The following GRIK5 variants were observed in gnomAD, a reference collection of about 807,000 sequenced individuals.
GRIK5 encodes the protein glutamate ionotropic receptor kainate type subunit 5.
GRIK5 carries 43 observed loss-of-function variants against 97.4 expected under a neutral mutation model. That is an observed-to-expected ratio of 0.44 (90% confidence interval 0.35 to 0.57). The LOEUF (loss-of-function observed/expected upper bound fraction) is 0.57. Among genes scored for constraint, GRIK5 ranks in the 20% least tolerant of loss-of-function variants. The probability of loss-of-function intolerance (pLI) is 0.01; values close to 1 mark genes in which losing one functional copy is unlikely to be tolerated. For synonymous variants in GRIK5, 580 were observed against 583.5 expected, an observed-to-expected ratio of 0.99 and a Z score of 0.09; for missense variants, 1,015 against 1,382.0, an observed-to-expected ratio of 0.73 and a Z score of 4.21.
intron 12 of GRIK5, among the ~76,000 whole-genome samples, chr19:42,031,338 T>C (rs2075838116): frequency 6.6e-6 from 1 of 152,220 alleles, no homozygotes; most frequent in Non-Finnish European, 1.5e-5. Context: ...TGAATTACTA[T>C]TCTGGGAAAG....
In GRIK5 at chr19:42,003,305, G is replaced by GGCCCCCCCCCC; in HGVS notation, c.2514+26_2514+27insGGGGGGGGGGC. On this transcript the variant is annotated intron_variant, in intron 19 of 19. Transcript: ENST00000593562. The surrounding 1 kb of genome is among the most constrained non-coding windows in gnomAD (Gnocchi z 4.2). ...TCAGCCCCTGGGGGTCCCTGTTCCT[G>GGCCCCCCCCCC]CCCACCCCCACCCCCAGCCTCCTCA... 38 of 1,540,710 alleles carry GGCCCCCCCCCC rather than the reference G, an allele frequency of 2.5e-5. No individual in the cohort carries two copies. Among genetic ancestry groups the GGCCCCCCCCCC allele is most frequent in the Non-Finnish European group, 3.1e-5 (35 of 1,118,172 alleles).
intron 19 of GRIK5, chr19:42,001,724 C>T (rs2075425215): frequency 5.1e-6 from 1 of 196,210 alleles, no homozygotes; most frequent in South Asian, 1.1e-4. Flanking sequence ...CAGCCAGAAA[C>T]ATCCAGCTAA....
Position 42,054,354 on chromosome 19 carries a change from G to C in GRIK5, c.1022C>G (p.Pro341Arg). The change falls in exon 9 of 20, where the codon CCC becomes CGC. Residue 341 changes from proline to arginine, a missense_variant. Pro to Arg is a moderately radical substitution (Grantham distance 103, BLOSUM62 -2). Transcript: ENST00000593562. ...PLACTSANIW[P>R]HGTSLMNYLR... is the part of the protein sequence containing the mutation. ...GTAGTTCATGAGGCTGGTCCCGTGG[G>C]GCCAAATGTTGGCCGATGTACAGGC... The C allele has an allele frequency of 6.2e-7, 1 of 1,613,152 alleles. No homozygotes were observed. The highest frequency in any genetic ancestry group is 8.5e-7 in the Non-Finnish European group (1 of 1,179,762).
intron 3 of GRIK5, among the ~76,000 whole-genome samples, chr19:42,063,783 C>A (rs1394126311): frequency 6.6e-6 from 1 of 152,104 alleles, no homozygotes; most frequent in Admixed American, 6.5e-5. Context: ...CAATCCTAGG[C>A]CATCGTTTGA....
intron 11 of GRIK5, among the ~76,000 whole-genome samples, chr19:42,046,529 G>C (rs561006826): frequency 1.3e-5 from 2 of 152,300 alleles, no homozygotes; most frequent in Non-Finnish European, 2.9e-5. Context: ...AAGAAAGTCA[G>C]TGCAGCATTG....
At chr19:42,058,049 G>A (rs1037800476) in intron 6 of GRIK5, among the ~76,000 whole-genome samples, 1 of 152,166 alleles carries the variant, frequency 6.6e-6, no homozygotes, top group Admixed American at 6.5e-5. Flanking sequence ...GGGAGGGGCC[G>A]GGATCCCAGC....
In GRIK5 at chr19:42,022,823, C is replaced by G. The variant is rs1368126922; in HGVS notation, c.1474-469G>C. On this transcript the variant is annotated intron_variant, in intron 12 of 19. Coordinates refer to ENST00000593562, the MANE Select transcript of GRIK5 (RefSeq NM_002088.5). This position sits in a 1 kb window ranked among gnomAD's most constrained non-coding sequence, Gnocchi z 4.2. ...GAGGAAGGGTGCAGGTCAGCATGTG[C>G]CCACAGCCAGTGGAGACATAACCCA... Among the ~76,000 whole-genome samples, 1 of 151,656 alleles carries G rather than the reference C, an allele frequency of 6.6e-6. No homozygotes were observed. The highest frequency in any genetic ancestry group is 1.5e-5 in the Non-Finnish European group (1 of 67,930).
At chr19:42,067,686 GCAGA>G (rs2076356605) in intron 1 of GRIK5, among the ~76,000 whole-genome samples, 1 of 152,160 alleles carries the variant, frequency 6.6e-6, no homozygotes. Flanking sequence ...AAAGGTGGGA[GCAGA>G]CAGAGAAAGA....
intron 12 of GRIK5, among the ~76,000 whole-genome samples, chr19:42,039,195 C>T (rs764240220): frequency 3.3e-5 from 5 of 152,336 alleles, no homozygotes; most frequent in East Asian, 1.9e-4. Flanking sequence ...CAAGGGTGGC[C>T]GGGCATGGTG....
In GRIK5 at chr19:42,062,834, C is replaced by T. The variant is rs1160792689; in HGVS notation, c.266G>A (p.Gly89Glu). ...TDTMCQILPK[G>E]VVSVLGPSSS... is the part of the protein sequence containing the mutation. ...GGAGGGCCCAAGGACAGACACAACCCCTTTGGGTAAGATCTGACACACTGC... is the reference window on the plus strand; with the variant it reads ...GGAGGGCCCAAGGACAGACACAACCTCTTTGGGTAAGATCTGACACACTGC... Residue 89 changes from glycine (G) to glutamate (E), a missense_variant, in exon 4 of 20, where the codon GGG becomes GAG. Gly to Glu is a moderately conservative substitution (Grantham distance 98, BLOSUM62 -2). Coordinates refer to ENST00000593562, the MANE Select transcript of GRIK5 (RefSeq NM_002088.5). The surrounding 1 kb of genome is among the most constrained non-coding windows in gnomAD (Gnocchi z 5.3). The T allele has an allele frequency of 6.2e-7, 1 of 1,613,776 alleles. No homozygotes were observed. Among genetic ancestry groups the T allele is most frequent in the Admixed American group, 1.7e-5 (1 of 60,026 alleles).
chr19:42,034,231 C>A (rs772376465), intron 12 of GRIK5, among the ~76,000 whole-genome samples: 1 of 151,994 alleles, frequency 6.6e-6, no homozygotes, highest in Non-Finnish European at 1.5e-5. Context: ...CGTGATGGAG[C>A]GTGCCTGTAA....
intron 12 of GRIK5, among the ~76,000 whole-genome samples, chr19:42,033,757 T>C (rs988302323): frequency 2.6e-5 from 4 of 152,136 alleles, no homozygotes; most frequent in Admixed American, 2.0e-4. Context: ...CCCAGCACTT[T>C]TGGGGGGCCA....
intron 1 of GRIK5, among the ~76,000 whole-genome samples, chr19:42,066,791 C>T (rs981249982): frequency 4.6e-5 from 7 of 151,508 alleles, no homozygotes; most frequent in Non-Finnish European, 7.4e-5. Flanking sequence ...AAGGCACAGG[C>T]GAGACACAGG....
At chr19:42,005,236 T>TAA (rs1555872088) in intron 17 of GRIK5, among the ~76,000 whole-genome samples, 1 of 10,590 alleles carries the variant, frequency 9.4e-5, no homozygotes, top group African/African-American at 5.6e-4. Context: ...AGACTCCGTC[T>TAA]CAAAAAAAAA....
rs1256415506 is a variant in GRIK5 at position 42,042,586 on chromosome 19, G to C, written c.1439C>G (p.Ser480Cys). 1 of 1,611,818 alleles carries C rather than the reference G, an allele frequency of 6.2e-7. No individual in the cohort carries two copies. Among genetic ancestry groups the C allele is most frequent in the Non-Finnish European group, 8.5e-7 (1 of 1,179,830 alleles). The change falls in exon 12 of 20, where the codon TCC becomes TGC. Residue 480 changes from serine to cysteine, a missense_variant. Ser to Cys is a moderately radical substitution (Grantham distance 112). Coordinates refer to ENST00000593562, the MANE Select transcript of GRIK5 (RefSeq NM_002088.5). The surrounding 1 kb of genome is among the most constrained non-coding windows in gnomAD (Gnocchi z 6.9). ...GAGCTCGCCAACCATGCCCGTCCAG[G>C]AGCCGTTGGGCTCGGGCGCCCCGTA... ...GLYGAPEPNGSWTGMVGELIN... is the reference protein window; with the variant it reads ...GLYGAPEPNGCWTGMVGELIN...
intron 6 of GRIK5, 44 bp from the exon 7 acceptor site, chr19:42,057,022 C>T (rs1440692473): frequency 6.9e-7 from 1 of 1,452,712 alleles, no homozygotes; most frequent in East Asian, 2.5e-5. Context: ...GAGACAGAGA[C>T]CCACAGGCAG....
At chr19:42,052,207 G>A (rs1163364544) in intron 11 of GRIK5, among the ~76,000 whole-genome samples, 1 of 152,190 alleles carries the variant, frequency 6.6e-6, no homozygotes, top group Non-Finnish European at 1.5e-5. Context: ...GAAGCAGGGA[G>A]GAGAGTGAAG....
chr19:42,044,206 A>C (rs2076015446), intron 11 of GRIK5, among the ~76,000 whole-genome samples: 1 of 152,100 alleles, frequency 6.6e-6, no homozygotes, highest in Non-Finnish European at 1.5e-5. Context: ...AAATTTCCCA[A>C]GGCCTCCCCA....
chr19:42,010,711 C>T (rs1041250587), intron 15 of GRIK5, among the ~76,000 whole-genome samples: 2 of 152,082 alleles, frequency 1.3e-5, no homozygotes, highest in African/African-American at 2.4e-5. Context: ...CAGATAGAAA[C>T]GTGGATGTAC....
Sources: allele counts gnomAD v4.1 joint callset (sites outside exome capture counted in the v4.1 genomes callset), GRCh38; gene constraint gnomAD v4.1.1; non-coding constraint Gnocchi (gnomAD v3.1); transcripts MANE v1.5; gene names NCBI Gene and HGNC (gene_info 2026-07-23, HGNC 2026-07-21).